Variants in ST3GAL3 observed in about 807,000 individuals in gnomAD.
ST3GAL3 encodes the protein CMP-N-acetylneuraminate-beta-1,4-galactoside alpha-2,3-sialyltransferase.
Under a neutral mutation model 50.1 loss-of-function variants are expected in ST3GAL3, and 21 were observed. The observed-to-expected ratio is 0.42, with a 90% confidence interval of 0.30 to 0.60. The LOEUF (loss-of-function observed/expected upper bound fraction) is 0.60. Ranked by LOEUF, ST3GAL3 falls within the 20% of genes least tolerant of loss-of-function variation. ST3GAL3 has a pLI of 0.19. For missense variants in ST3GAL3, 353 were observed against 489.4 expected (o/e 0.72, Z 2.63); for synonymous variants, 183 against 190.0 (o/e 0.96, Z 0.30).
chr1:43,806,769 A>T (rs1573253744), intron 3 of ST3GAL3, among the ~76,000 whole-genome samples: 1 of 152,166 alleles, frequency 6.6e-6, no homozygotes, highest in East Asian at 1.9e-4. Flanking sequence ...GGCTCACTGT[A>T]GCCTCGAATT....
intron 9 of ST3GAL3, chr1:43,911,383 G>T (rs1276081627): frequency 2.7e-5 from 4 of 150,710 alleles, no homozygotes. Context: ...TATGGGATGG[G>T]ACCGGGGTGG....
intron 1 of ST3GAL3, chr1:43,708,136 A>C (rs1662451244): frequency 6.6e-6 from 1 of 152,274 alleles, no homozygotes; most frequent in Non-Finnish European, 1.5e-5. Flanking sequence ...AACTGGGGTC[A>C]GTTTGATCGG....
At chr1:43,850,795 C>A in intron 5 of ST3GAL3, 1 of 918,344 alleles carries the variant, frequency 1.1e-6, no homozygotes, top group Non-Finnish European at 1.8e-6. Flanking sequence ...AGAGTCATAG[C>A]TTGCTTCAGG....
chr1:43,721,293 AC>A (rs1469502264), intron 1 of ST3GAL3, among the ~76,000 whole-genome samples: 2 of 141,354 alleles, frequency 1.4e-5, no homozygotes, highest in African/African-American at 5.3e-5. Flanking sequence ...CTATAATTAA[AC>A]CTTTTTTTTT....
At chr1:43,757,636 T>C (rs1688611747) in intron 2 of ST3GAL3, among the ~76,000 whole-genome samples, 2 of 152,088 alleles carry the variant, frequency 1.3e-5, no homozygotes, top group Non-Finnish European at 2.9e-5. Context: ...ATGTACAAAA[T>C]TAACTTGAAA....
intron 5 of ST3GAL3, among the ~76,000 whole-genome samples, chr1:43,843,642 G>A (rs892319743): frequency 6.6e-6 from 1 of 152,162 alleles, no homozygotes; most frequent in Non-Finnish European, 1.5e-5. Flanking sequence ...CAAATTTTGT[G>A]TACAATTGGT....
chr1:43,829,732 C>A (rs541687415), intron 4 of ST3GAL3, among the ~76,000 whole-genome samples: 1 of 152,176 alleles, frequency 6.6e-6, no homozygotes, highest in Non-Finnish European at 1.5e-5. Context: ...TCAAGATACC[C>A]ACCCTAATTC....
At chr1:43,885,792 G>T (rs924917116) in intron 5 of ST3GAL3, among the ~76,000 whole-genome samples, 1 of 152,320 alleles carries the variant, frequency 6.6e-6, no homozygotes, top group African/African-American at 2.4e-5. Flanking sequence ...CCTCACAGGG[G>T]ATGAACAAAG....
intron 4 of ST3GAL3, among the ~76,000 whole-genome samples, chr1:43,825,056 C>T (rs1172592725): frequency 3.3e-5 from 5 of 152,178 alleles, no homozygotes; most frequent in Non-Finnish European, 5.9e-5. Context: ...GACCTCACTA[C>T]CCAGAGATTC....
chr1:43,854,131 A>G (rs764934038), intron 5 of ST3GAL3, among the ~76,000 whole-genome samples: 17 of 152,198 alleles, frequency 1.1e-4, no homozygotes, highest in Non-Finnish European at 2.1e-4. Context: ...ATGGAATACC[A>G]TCTACTTCTC....
intron 9 of ST3GAL3, among the ~76,000 whole-genome samples, chr1:43,917,636 TAATATAA>T (rs1557540656): frequency 4.1e-4 from 31 of 76,358 alleles, no homozygotes; most frequent in South Asian, 5.6e-4. Context: ...ATATAATATA[TAATATAA>T]TATATAATAT....
At chr1:43,878,536 T>C (rs112982859) in intron 5 of ST3GAL3, among the ~76,000 whole-genome samples, 2,154 of 152,154 alleles carry the variant, frequency 0.014, 49 homozygotes, top group African/African-American at 0.049. Flanking sequence ...GGAAGAACAT[T>C]CCAGGCAGAG....
intron 3 of ST3GAL3, among the ~76,000 whole-genome samples, chr1:43,796,192 G>T (rs1236232508): frequency 6.6e-6 from 1 of 152,176 alleles, no homozygotes; most frequent in African/African-American, 2.4e-5. Context: ...TGCAATTTTG[G>T]TTGCTTGTTT....
intron 11 of ST3GAL3, among the ~76,000 whole-genome samples, chr1:43,929,580 C>T (rs1441360558): frequency 1.3e-5 from 2 of 152,202 alleles, no homozygotes; most frequent in African/African-American, 4.8e-5. Context: ...GGATTACAGG[C>T]GTGAGCCACC....
At chr1:43,730,042 A>T (rs1204739182) in intron 1 of ST3GAL3, among the ~76,000 whole-genome samples, 1 of 152,040 alleles carries the variant, frequency 6.6e-6, no homozygotes, top group African/African-American at 2.4e-5. Context: ...GGATCTCGGG[A>T]TATTGTTCTC....
At chr1:43,712,743 T>A (rs1050767332) in intron 1 of ST3GAL3, among the ~76,000 whole-genome samples, 9 of 152,196 alleles carry the variant, frequency 5.9e-5, no homozygotes, top group Non-Finnish European at 1.2e-4. Context: ...TAAAAGGCTT[T>A]TCACACAGGC....
chr1:43,820,174 C>T (rs2061910994), intron 4 of ST3GAL3, among the ~76,000 whole-genome samples: 1 of 152,126 alleles, frequency 6.6e-6, no homozygotes, highest in African/African-American at 2.4e-5. Context: ...ACCATCTGAT[C>T]TTCAACAAAG....
At chr1:43,817,766 T>TTCTTTC (rs151085469) in intron 4 of ST3GAL3, among the ~76,000 whole-genome samples, 46,017 of 80,604 alleles carry the variant, frequency 0.57, 14,939 homozygotes, top group African/African-American at 0.62. Context: ...CTTCTTCCTC[T>TTCTTTC]TCTTCTTCTC....
At chr1:43,878,609 G>T (rs1372212579) in intron 5 of ST3GAL3, among the ~76,000 whole-genome samples, 1 of 152,198 alleles carries the variant, frequency 6.6e-6, no homozygotes, top group East Asian at 1.9e-4. Context: ...GTGAACAGAG[G>T]GAGAGTAGTA....
Sources: gnomAD v4.1 joint callset for allele counts (sites outside exome capture counted in the v4.1 genomes callset) on GRCh38, gnomAD v4.1.1 for gene constraint, MANE v1.5 for transcripts, NCBI Gene and HGNC (gene_info 2026-07-23, HGNC 2026-07-21) for gene names.